Variants in WWC1 observed in about 807,000 individuals in gnomAD.
WWC1 encodes protein KIBRA.
WWC1 carries 55 observed loss-of-function variants against 138.4 expected under a neutral mutation model. The ratio of observed to expected loss-of-function variants is 0.40; its 90% CI spans 0.32 to 0.50. The LOEUF (loss-of-function observed/expected upper bound fraction) is 0.50, where lower values mean the gene tolerates loss of function less well. WWC1 is among the 20% of genes least tolerant of loss of function. The probability of loss-of-function intolerance (pLI) is 0.72; values close to 1 mark genes in which losing one functional copy is unlikely to be tolerated. For synonymous variants in WWC1, 524 were observed against 564.9 expected, an observed-to-expected ratio of 0.93 and a Z score of 1.03; for missense variants, 1,226 against 1,420.4, an observed-to-expected ratio of 0.86 and a Z score of 2.20.
intron 15 of WWC1, among the ~76,000 whole-genome samples, chr5:168,433,178 GACTA>G (rs1382148309): frequency 2.0e-5 from 3 of 152,226 alleles, no homozygotes; most frequent in Admixed American, 6.5e-5. Context: ...GTTCTCTGAA[GACTA>G]ACTAAGGCGC....
At chr5:168,328,142 G>A (rs190911902) in intron 1 of WWC1, among the ~76,000 whole-genome samples, 116 of 152,328 alleles carry the variant, frequency 7.6e-4, no homozygotes, top group Non-Finnish European at 1.2e-3. Flanking sequence ...TCTGCCTCTT[G>A]GATGGCTTTG....
chr5:168,391,771 A>G (rs1292415533), intron 3 of WWC1, among the ~76,000 whole-genome samples: 1 of 132,060 alleles, frequency 7.6e-6, no homozygotes, highest in African/African-American at 3.1e-5. Context: ...ATATATATAT[A>G]TATATATATA....
chr5:168,395,285 C>A (rs1316175126), intron 3 of WWC1, among the ~76,000 whole-genome samples: 1 of 152,208 alleles, frequency 6.6e-6, no homozygotes, highest in African/African-American at 2.4e-5. Context: ...GGACAGGGTG[C>A]TCCTAGAACA....
chr5:168,344,424 G>A (rs1012106814), intron 1 of WWC1, among the ~76,000 whole-genome samples: 3 of 152,154 alleles, frequency 2.0e-5, no homozygotes, highest in African/African-American at 7.2e-5. Context: ...TTCAGGCTCG[G>A]TTTTCTCATC....
chr5:168,415,798 TGGGGGGGGGGGGG>T (rs56206528), intron 9 of WWC1: 7 of 6,354 alleles, frequency 1.1e-3, no homozygotes, highest in East Asian at 8.1e-3. Context: ...TGTGTGTGTG[TGGGGGGGGGGGGG>T]GGGCGTGTGT....
chr5:168,442,659 A>G (rs1754889826), intron 16 of WWC1, among the ~76,000 whole-genome samples: 1 of 151,680 alleles, frequency 6.6e-6, no homozygotes, highest in African/African-American at 2.4e-5. Flanking sequence ...CAACATGGTG[A>G]AACCCTGTCT....
At chr5:168,298,855 G>T (rs1581848277) in intron 1 of WWC1, among the ~76,000 whole-genome samples, 1 of 152,138 alleles carries the variant, frequency 6.6e-6, no homozygotes, top group East Asian at 1.9e-4. Flanking sequence ...AGGTCGAGGT[G>T]GGTGGATCAC....
chr5:168,384,804 C>T (rs955287261), intron 2 of WWC1, among the ~76,000 whole-genome samples: 7 of 151,430 alleles, frequency 4.6e-5, no homozygotes, highest in Non-Finnish European at 5.9e-5. Context: ...TGCAACCTCC[C>T]CCTCCTGGGT....
chr5:168,432,119 T>A (rs1293342367), intron 15 of WWC1, among the ~76,000 whole-genome samples: 1 of 151,934 alleles, frequency 6.6e-6, no homozygotes, highest in Admixed American at 6.6e-5. Context: ...CCTTTACCAC[T>A]TGCTGTATAG....
In WWC1 at chr5:168,292,651, G is replaced by A. The variant is rs896397641; in HGVS notation, c.119+380G>A. Among the ~76,000 whole-genome samples, 9 of 152,118 alleles carry A rather than the reference G, an allele frequency of 5.9e-5. No homozygotes were observed. Among genetic ancestry groups the A allele is most frequent in the Non-Finnish European group, 1.2e-4 (8 of 68,008 alleles). ...TAGCCGGGTGAAGCCGGGTCTTCCC[G>A]GGGAGGCTTCCACCCAGCGTGGGGG... On this transcript the variant is annotated intron_variant, in intron 1 of 22. Transcript: ENST00000265293. The surrounding 1 kb of genome is among the most constrained non-coding windows in gnomAD (Gnocchi z 4.4).
chr5:168,465,927 G>A (rs574634981), intron 21 of WWC1, among the ~76,000 whole-genome samples: 23 of 152,240 alleles, frequency 1.5e-4, no homozygotes, highest in African/African-American at 5.5e-4. Context: ...AAAGGTGCTG[G>A]GGGCTACTGC....
At position 168,471,949 on chromosome 5, in the gene WWC1, G is replaced by A. The variant is rs544962050; in HGVS notation, c.*2932G>A. 6.6e-6 allele frequency: 1 copy of A among 152,350 alleles called. No individual in the cohort carries two copies. The highest frequency in any genetic ancestry group is 2.1e-4 in the South Asian group (1 of 4,826). The allele number at this position is 152,350 out of a possible 1,614,324, so 9.4% of individuals were successfully genotyped here. A position where few individuals can be genotyped will look rare whatever the true frequency, so the allele number is the denominator to read the frequency against. On this transcript the variant is annotated 3_prime_UTR_variant, in exon 23 of 23. Coordinates refer to ENST00000265293, the MANE Select transcript of WWC1 (RefSeq NM_015238.3). ...AATAAAAACTTTGAAAGTCACATGT[G>A]TTATGGAATTCCTTCTCAGTGACAC...
intron 1 of WWC1, among the ~76,000 whole-genome samples, chr5:168,319,538 CT>C (rs1351393165): frequency 6.6e-6 from 1 of 152,220 alleles, no homozygotes; most frequent in Non-Finnish European, 1.5e-5. Context: ...GACAAGGTCT[CT>C]TTCTCAGGCT....
chr5:168,308,558 G>C (rs1770785177), intron 1 of WWC1, among the ~76,000 whole-genome samples: 1 of 152,146 alleles, frequency 6.6e-6, no homozygotes, highest in African/African-American at 2.4e-5. Context: ...TGGCAGAGGA[G>C]CTCTCAAGGC....
chr5:168,295,021 G>T (rs1286972436), intron 1 of WWC1, among the ~76,000 whole-genome samples: 1 of 152,108 alleles, frequency 6.6e-6, no homozygotes, highest in Non-Finnish European at 1.5e-5. Flanking sequence ...GTCCTGAGGG[G>T]GTCTCATGTC....
At chr5:168,440,953 G>A (rs538306528) in intron 15 of WWC1, among the ~76,000 whole-genome samples, 1 of 152,200 alleles carries the variant, frequency 6.6e-6, no homozygotes, top group South Asian at 2.1e-4. Context: ...CCCATACAGT[G>A]GAATATTATT....
chr5:168,448,494 T>C (rs895938354), intron 17 of WWC1, among the ~76,000 whole-genome samples: 2 of 152,166 alleles, frequency 1.3e-5, no homozygotes, highest in African/African-American at 4.8e-5. Flanking sequence ...GAAAAATCTT[T>C]GTATTTGCCT....
chr5:168,439,494 G>A (rs963017664), intron 15 of WWC1, among the ~76,000 whole-genome samples: 12 of 151,824 alleles, frequency 7.9e-5, no homozygotes, highest in South Asian at 2.1e-4. Context: ...AAGGCCAGGC[G>A]TGGTGGCACT....
intron 15 of WWC1, among the ~76,000 whole-genome samples, chr5:168,441,127 G>A (rs1330468854): frequency 6.6e-6 from 1 of 152,116 alleles, no homozygotes; most frequent in Non-Finnish European, 1.5e-5. Context: ...CGACACAGGT[G>A]GACCTTGAAG....
Sources: gnomAD v4.1 joint callset for allele counts (sites outside exome capture counted in the v4.1 genomes callset) on GRCh38, gnomAD v4.1.1 for gene constraint, Gnocchi (gnomAD v3.1) non-coding constraint, MANE v1.5 for transcripts, NCBI Gene and HGNC (gene_info 2026-07-23, HGNC 2026-07-21) for gene names.